Variants in GPC6 observed in about 807,000 individuals in gnomAD.
GPC6 encodes the protein glypican 6.
GPC6 carries 14 observed loss-of-function variants against 55.2 expected under a neutral mutation model. That is an observed-to-expected ratio of 0.25 (90% CI 0.17 to 0.40). The LOEUF is 0.40. Ranked by LOEUF, GPC6 falls within the 10% of genes least tolerant of loss-of-function variation. GPC6 has a pLI of 1.00. For synonymous variants in GPC6, 278 were observed against 259.6 expected, an observed-to-expected ratio of 1.07 and a Z score of -0.68; for missense variants, 641 against 708.5, an observed-to-expected ratio of 0.90 and a Z score of 1.08.
intron 1 of GPC6, among the ~76,000 whole-genome samples, chr13:93,465,672 G>A (rs1000398145): frequency 6.6e-6 from 1 of 152,144 alleles, no homozygotes; most frequent in Non-Finnish European, 1.5e-5. Flanking sequence ...CAGCATGAAG[G>A]CTGTTTCAGT....
intron 2 of GPC6, among the ~76,000 whole-genome samples, chr13:93,778,630 C>T (rs376397376): frequency 1.3e-5 from 2 of 152,162 alleles, no homozygotes; most frequent in Admixed American, 1.3e-4. Context: ...ACCATTCTTG[C>T]ACCTGTTGTT....
At chr13:93,447,321 A>G (rs1007503531) in intron 1 of GPC6, among the ~76,000 whole-genome samples, 4 of 152,194 alleles carry the variant, frequency 2.6e-5, no homozygotes, top group African/African-American at 9.7e-5. Flanking sequence ...AAAACATGCA[A>G]ATGTTCTCAT....
In GPC6 at chr13:93,914,133, G is replaced by A. The variant is rs377646960; in HGVS notation, c.711+83588G>A. Among the ~76,000 whole-genome samples the A allele has an allele frequency of 6.6e-4, 100 of 152,172 alleles. 1 individual carries two copies. In the South Asian group the frequency reaches 0.013, roughly 21 times the overall value. On this transcript the variant is annotated intron_variant, in intron 3 of 8. Coordinates refer to ENST00000377047, the MANE Select transcript of GPC6 (RefSeq NM_005708.5). ...CACAACGTGCAGGTTAGTTACATAT[G>A]TATACATGTGCCATGTTGGTGTGCT... is the stretch of plus-strand genomic sequence containing the variant.
intron 4 of GPC6, among the ~76,000 whole-genome samples, chr13:94,095,415 A>C: frequency 6.6e-6 from 1 of 152,208 alleles, no homozygotes; most frequent in East Asian, 1.9e-4. Flanking sequence ...ATGTAAAAGA[A>C]GTAAGTTAAA....
chr13:93,659,901 T>C (rs1880849502), intron 2 of GPC6, among the ~76,000 whole-genome samples: 1 of 152,056 alleles, frequency 6.6e-6, no homozygotes. Context: ...AGGAAATATA[T>C]ATATGTGTGT....
intron 1 of GPC6, among the ~76,000 whole-genome samples, chr13:93,372,444 G>A (rs1047374246): frequency 2.6e-5 from 4 of 152,142 alleles, no homozygotes; most frequent in African/African-American, 2.4e-5. Flanking sequence ...GGATCTACTT[G>A]TTATTGATAC....
At chr13:93,691,771 ATTTAAAAAAC>A (rs1836328286) in intron 2 of GPC6, among the ~76,000 whole-genome samples, 1 of 152,082 alleles carries the variant, frequency 6.6e-6, no homozygotes, top group Non-Finnish European at 1.5e-5. Context: ...AAGTTATGAA[ATTTAAAAAAC>A]TTTAAAAAGG....
intron 1 of GPC6, 138 bp from the exon 2 acceptor site, chr13:93,545,125 A>G (rs1874710939): frequency 1.3e-6 from 1 of 741,160 alleles, no homozygotes; most frequent in Admixed American, 1.9e-5. Flanking sequence ...TGTGGCCCAG[A>G]TAGAGTTCAT....
chr13:93,817,225 A>G (rs1353965444), intron 2 of GPC6, among the ~76,000 whole-genome samples: 2 of 152,244 alleles, frequency 1.3e-5, no homozygotes, highest in Non-Finnish European at 2.9e-5. Flanking sequence ...TGTTGACAAC[A>G]TGAAATCAGT....
intron 2 of GPC6, among the ~76,000 whole-genome samples, chr13:93,740,933 T>C (rs1884177456): frequency 6.6e-6 from 1 of 152,146 alleles, no homozygotes; most frequent in Non-Finnish European, 1.5e-5. Flanking sequence ...AGAATGTTTC[T>C]GGAAAGGGAA....
chr13:93,385,929 T>A (rs9524038), intron 1 of GPC6, among the ~76,000 whole-genome samples: 4 of 151,816 alleles, frequency 2.6e-5, no homozygotes, highest in Non-Finnish European at 5.9e-5. Flanking sequence ...CTAACACGGA[T>A]GTATTCTATA....
Position 93,848,758 on chromosome 13 carries a change from C to T in GPC6, c.711+18213C>T, listed in dbSNP as rs143604243. On this transcript the variant is annotated intron_variant, in intron 3 of 8. Transcript: ENST00000377047. ...CCTGGTATCTTTAGTCCCAACTCAACAGCCAATTTCTCAAGCAAATTTGTC... is the reference window on the plus strand; with the variant it reads ...CCTGGTATCTTTAGTCCCAACTCAATAGCCAATTTCTCAAGCAAATTTGTC... Among the ~76,000 whole-genome samples, 16 of 152,166 alleles carry T rather than the reference C, an allele frequency of 1.1e-4. No individual in the cohort carries two copies. The East Asian group carries it at 3.1e-3, about 29-fold the overall frequency.
intron 3 of GPC6, among the ~76,000 whole-genome samples, chr13:94,019,032 T>C (rs983602978): frequency 3.9e-5 from 6 of 152,190 alleles, no homozygotes; most frequent in Admixed American, 3.9e-4. Flanking sequence ...TCTTTCCTTA[T>C]TATGTCTTTG....
At chr13:94,023,800 A>AGAGAT in intron 3 of GPC6, among the ~76,000 whole-genome samples, 2 of 152,200 alleles carry the variant, frequency 1.3e-5, no homozygotes, top group East Asian at 3.9e-4. Context: ...AGCAATAAAA[A>AGAGAT]GAGATGAACT....
At chr13:94,212,334 CTT>C (rs1425595310) in intron 4 of GPC6, among the ~76,000 whole-genome samples, 2 of 152,160 alleles carry the variant, frequency 1.3e-5, no homozygotes, top group African/African-American at 4.8e-5. Flanking sequence ...GTACTTAACT[CTT>C]TTCTTTGTTG....
intron 2 of GPC6, among the ~76,000 whole-genome samples, chr13:93,635,592 C>T (rs947349784): frequency 6.6e-6 from 1 of 152,116 alleles, no homozygotes; most frequent in East Asian, 1.9e-4. Flanking sequence ...TTCAAATATT[C>T]GCCTTCTGTT....
intron 4 of GPC6, among the ~76,000 whole-genome samples, chr13:94,220,691 C>G (rs543462042): frequency 6.6e-6 from 1 of 152,074 alleles, no homozygotes; most frequent in Non-Finnish European, 1.5e-5. Context: ...CTAGGCCTCT[C>G]TTCTAGTGAT....
At chr13:93,862,833 G>C (rs953757275) in intron 3 of GPC6, among the ~76,000 whole-genome samples, 3 of 151,582 alleles carry the variant, frequency 2.0e-5, no homozygotes, top group African/African-American at 7.3e-5. Flanking sequence ...GCCTTCCAAA[G>C]TATGTGCCAT....
chr13:93,666,353 A>G (rs1566476370), intron 2 of GPC6, among the ~76,000 whole-genome samples: 1 of 152,172 alleles, frequency 6.6e-6, no homozygotes, highest in Non-Finnish European at 1.5e-5. Context: ...TTAAAAAAAA[A>G]AAGGTCAAAT....
Sources: gnomAD v4.1 joint callset for allele counts (sites outside exome capture counted in the v4.1 genomes callset) on GRCh38, gnomAD v4.1.1 for gene constraint, MANE v1.5 for transcripts, NCBI Gene and HGNC (gene_info 2026-07-23, HGNC 2026-07-21) for gene names.